NSUN7: variants seen among roughly 807,000 people sequenced by gnomAD.
NSUN7 encodes the protein protein NSUN7.
NSUN7 carries 39 observed loss-of-function variants against 58.5 expected under a neutral mutation model. The ratio of observed to expected loss-of-function variants is 0.67; its 90% CI spans 0.52 to 0.87. The LOEUF is 0.87. NSUN7 is among the 40% of genes least tolerant of loss of function. NSUN7 has a pLI of 0.00. For synonymous variants in NSUN7, 278 were observed against 303.7 expected, an observed-to-expected ratio of 0.92 and a Z score of 0.88; for missense variants, 765 against 844.1, an observed-to-expected ratio of 0.91 and a Z score of 1.16.
intron 2 of NSUN7, among the ~76,000 whole-genome samples, chr4:40,756,845 AAAAGCT>A (rs201991203): frequency 0.012 from 1,899 of 152,308 alleles, 42 homozygotes; most frequent in African/African-American, 0.042. Context: ...ACCATGATGT[AAAAGCT>A]ATACACATTC....
At chr4:40,764,835 GA>G (rs1447836963) in intron 4 of NSUN7, among the ~76,000 whole-genome samples, 1 of 152,186 alleles carries the variant, frequency 6.6e-6, no homozygotes, top group East Asian at 1.9e-4. Context: ...GGCCAGTGAT[GA>G]TGAGCATTTT....
intron 8 of NSUN7, among the ~76,000 whole-genome samples, chr4:40,792,763 A>AG (rs1553919420): frequency 2.7e-5 from 4 of 150,688 alleles, no homozygotes; most frequent in Non-Finnish European, 4.4e-5. Context: ...TAAAAAAAAA[A>AG]AAGTTGTCGT....
Position 40,750,693 on chromosome 4 carries a change from C to T in NSUN7, c.-1C>T, listed in dbSNP as rs771965562. 8 of 1,612,338 alleles carry T rather than the reference C, an allele frequency of 5.0e-6. No homozygotes were observed. Among genetic ancestry groups the T allele is most frequent in the Non-Finnish European group, 6.8e-6 (8 of 1,179,252 alleles). On this transcript the variant is annotated 5_prime_UTR_variant, in exon 2 of 12. Transcript: ENST00000381782. ...GGACTCACGACAGGCGAGGGGCAGA[C>T]ATGCTGAATTCCACGGGCGAACTGG...
At chr4:40,758,713 TA>T (rs940217786) in intron 2 of NSUN7, among the ~76,000 whole-genome samples, 51 of 151,122 alleles carry the variant, frequency 3.4e-4, no homozygotes, top group Non-Finnish European at 5.2e-4. Context: ...ATAAAAACAA[TA>T]AAAAAATAAA....
chr4:40,765,430 A>G (rs1197756364), intron 4 of NSUN7, among the ~76,000 whole-genome samples: 1 of 150,164 alleles, frequency 6.7e-6, no homozygotes, highest in Non-Finnish European at 1.5e-5. Context: ...GTTCTGTTCC[A>G]TTGATCTATA....
chr4:40,770,426 C>T (rs1387556517), intron 4 of NSUN7, among the ~76,000 whole-genome samples: 2 of 152,104 alleles, frequency 1.3e-5, no homozygotes, highest in African/African-American at 4.8e-5. Context: ...GTACTGAATA[C>T]TGTAGGCAAT....
In NSUN7 at chr4:40,781,608, G is replaced by A. The variant is rs183558584; in HGVS notation, c.1036+5349G>A. 6.6e-5 allele frequency among the ~76,000 whole-genome samples: 10 copies of A among 152,142 alleles called. No individual in the cohort carries two copies. The East Asian group carries it at 1.9e-3, about 29-fold the overall frequency. On this transcript the variant is annotated intron_variant, in intron 7 of 11. Coordinates refer to ENST00000381782, the MANE Select transcript of NSUN7 (RefSeq NM_024677.6). ...CTACAGGCATGTGCCACCACACCTGGCTAATTTTTTTATTTTTTGTAGAGA... is the reference window on the plus strand; with the variant it reads ...CTACAGGCATGTGCCACCACACCTGACTAATTTTTTTATTTTTTGTAGAGA...
chr4:40,766,166 C>G (rs1261234413), intron 4 of NSUN7, among the ~76,000 whole-genome samples: 1 of 152,122 alleles, frequency 6.6e-6, no homozygotes, highest in Non-Finnish European at 1.5e-5. Flanking sequence ...TGCCAGTTTT[C>G]CAAGGGAATG....
intron 7 of NSUN7, among the ~76,000 whole-genome samples, chr4:40,782,504 G>A (rs1424904729): frequency 2.7e-5 from 4 of 150,278 alleles, no homozygotes; most frequent in Non-Finnish European, 4.4e-5. Context: ...GGAAGTAGAG[G>A]TTACAGTGAG....
chr4:40,771,481 G>A (rs1488306522), intron 4 of NSUN7, among the ~76,000 whole-genome samples: 1 of 151,876 alleles, frequency 6.6e-6, no homozygotes, highest in Non-Finnish European at 1.5e-5. Context: ...TCAGATAATT[G>A]AGAGAGAGAG....
At chr4:40,783,186 C>G (rs925967745) in intron 7 of NSUN7, among the ~76,000 whole-genome samples, 1 of 152,088 alleles carries the variant, frequency 6.6e-6, no homozygotes, top group African/African-American at 2.4e-5. Context: ...ATCAGTGGAA[C>G]AAAATTGAAA....
At chr4:40,755,568 T>C (rs765970474) in intron 2 of NSUN7, among the ~76,000 whole-genome samples, 2 of 152,206 alleles carry the variant, frequency 1.3e-5, no homozygotes, top group Non-Finnish European at 2.9e-5. Flanking sequence ...CAGGAACTGA[T>C]TGTAGCATTA....
chr4:40,794,536 C>T (rs1743235755), intron 9 of NSUN7, 60 bp downstream of exon 9: 3 of 988,654 alleles, frequency 3.0e-6, no homozygotes, highest in Non-Finnish European at 4.8e-6. Context: ...AAATATTAGT[C>T]TTTCACGATC....
chr4:40,761,002 T>G (rs1486881790), intron 3 of NSUN7, among the ~76,000 whole-genome samples, 169 bp from the exon 4 acceptor site: 1 of 152,122 alleles, frequency 6.6e-6, no homozygotes, highest in Non-Finnish European at 1.5e-5. Flanking sequence ...AAGGGTTTTT[T>G]TTTTCTGGAT....
At chr4:40,801,042 A>G (rs1242004661) in intron 10 of NSUN7, among the ~76,000 whole-genome samples, 2 of 135,270 alleles carry the variant, frequency 1.5e-5, no homozygotes, top group African/African-American at 2.7e-5. Flanking sequence ...AGAGGAAGGG[A>G]GAAAGGGAGG....
rs571630263 is a variant in NSUN7 at position 40,785,968 on chromosome 4, G to A, written c.1037-4634G>A. 51 of 1,149,090 alleles carry A rather than the reference G, an allele frequency of 4.4e-5. No homozygotes were observed. In the South Asian group the frequency reaches 4.9e-4, roughly 11 times the overall value. 71.2% of individuals were successfully genotyped at this position (1,149,090 alleles called of 1,614,324 possible). A position where few individuals can be genotyped will look rare whatever the true frequency, so the allele number is the denominator to read the frequency against. ...GGTGCCAGGGAATAGGTATCAGGGC[G>A]CCTCCCCAGCGGCTGGGAGAGACGC... On this transcript the variant is annotated intron_variant, in intron 7 of 11. Transcript: ENST00000381782.
At chr4:40,794,566 AGT>A in intron 9 of NSUN7, 90 bp downstream of exon 9, 1 of 722,004 alleles carries the variant, frequency 1.4e-6, no homozygotes, top group Non-Finnish European at 2.3e-6. Context: ...CAAGCAATGA[AGT>A]GTGAGCCATG....
chr4:40,784,053 TTCA>T (rs567835688), intron 7 of NSUN7, among the ~76,000 whole-genome samples: 149 of 152,276 alleles, frequency 9.8e-4, no homozygotes, highest in African/African-American at 3.4e-3. Context: ...CTCAAAATCA[TTCA>T]TCATTAGGGA....
chr4:40,792,016 C>T (rs1359936784), intron 8 of NSUN7, among the ~76,000 whole-genome samples: 1 of 152,208 alleles, frequency 6.6e-6, no homozygotes, highest in Admixed American at 6.5e-5. Context: ...ACTGGGTTTA[C>T]ACTGTACCAC....
Sources: allele counts gnomAD v4.1 joint callset (sites outside exome capture counted in the v4.1 genomes callset), GRCh38; gene constraint gnomAD v4.1.1; transcripts MANE v1.5; gene names NCBI Gene and HGNC (gene_info 2026-07-23, HGNC 2026-07-21).